Variants in SRSF10 observed in about 807,000 individuals in gnomAD.
SRSF10 encodes the protein serine and arginine rich splicing factor 10.
A neutral mutation model predicts 32.6 loss-of-function variants in SRSF10; 9 were observed. The ratio of observed to expected loss-of-function variants is 0.28; its 90% CI spans 0.17 to 0.48. SRSF10 has a LOEUF of 0.48. SRSF10 is among the 20% of genes least tolerant of loss of function. The pLI, the probability that SRSF10 is intolerant of heterozygous loss-of-function variation, is 0.99. For synonymous variants in SRSF10, 105 were observed against 112.4 expected (o/e 0.93, Z 0.42); for missense variants, 201 against 331.8 (o/e 0.61, Z 3.06).
intron 3 of SRSF10, among the ~76,000 whole-genome samples, chr1:23,974,009 T>C (rs1451956023): frequency 7.9e-6 from 1 of 125,882 alleles, no homozygotes; most frequent in East Asian, 2.5e-4. Flanking sequence ...TTTTTTTTTT[T>C]GAGGCACAGT....
intron 3 of SRSF10, among the ~76,000 whole-genome samples, chr1:23,973,408 C>T (rs1049876526): frequency 2.6e-5 from 4 of 152,198 alleles, no homozygotes; most frequent in African/African-American, 4.8e-5. Context: ...CAGCTCTCTG[C>T]AACTTCAACC....
rs1453730773 is a variant in SRSF10 at position 23,970,884 on chromosome 1, A to C, written c.*258T>G. Reference sequence around the variant, plus strand: ...CAACATCTTTTCACCAAATACTTCAAGCATAAAAAATGAGAATCTTTACAA... The same window carrying C: ...CAACATCTTTTCACCAAATACTTCACGCATAAAAAATGAGAATCTTTACAA... On this transcript the variant is annotated 3_prime_UTR_variant, in exon 6 of 6. Coordinates refer to ENST00000492112, the MANE Select transcript of SRSF10 (RefSeq NM_054016.4). 3.4e-5 allele frequency: 40 copies of C among 1,191,500 alleles called. No individual in the cohort carries two copies. The highest frequency in any genetic ancestry group is 4.2e-5 in the Non-Finnish European group (40 of 962,982). The allele number at this position is 1,191,500 out of a possible 1,614,324, so 73.8% of individuals were successfully genotyped here.
chr1:23,972,409 A>C (rs1262336760), intron 3 of SRSF10, among the ~76,000 whole-genome samples: 1 of 150,104 alleles, frequency 6.7e-6, no homozygotes, highest in Non-Finnish European at 1.5e-5. Context: ...CAAAAAAAAA[A>C]AGTGTGTATG....
chr1:23,976,002 T>C (rs1642062008), intron 2 of SRSF10: 1 of 152,214 alleles, frequency 6.6e-6, no homozygotes, highest in Non-Finnish European at 1.5e-5. Flanking sequence ...TGGCTTTATA[T>C]AGCTATTCTG....
rs1641441477 is a variant in SRSF10 at position 23,966,227 on chromosome 1, A to C, written c.*4915T>G. 2 of 151,856 alleles carry C rather than the reference A, an allele frequency of 1.3e-5. No homozygotes were observed. Among genetic ancestry groups the C allele is most frequent in the Non-Finnish European group, 2.9e-5 (2 of 67,806 alleles). 9.4% of individuals were successfully genotyped at this position (151,856 alleles called of 1,614,324 possible). On this transcript the variant is annotated 3_prime_UTR_variant, in exon 6 of 6. Coordinates refer to ENST00000492112, the MANE Select transcript of SRSF10 (RefSeq NM_054016.4). ...TTTCTAAAATAAAATACAAACAATA[A>C]TACCTCCATTTCACACCTCCCTTGA...
chr1:23,971,030 C>G lies in SRSF10; in HGVS notation c.*112G>C. 6.7e-7 allele frequency: 1 copy of G among 1,499,578 alleles called. No individual in the cohort carries two copies. Among genetic ancestry groups the G allele is most frequent in the South Asian group, 1.4e-5 (1 of 70,362 alleles). 92.9% of individuals were successfully genotyped at this position (1,499,578 alleles called of 1,614,324 possible). A position where few individuals can be genotyped will look rare whatever the true frequency, so the allele number is the denominator to read the frequency against. On this transcript the variant is annotated 3_prime_UTR_variant, in exon 6 of 6. Transcript: ENST00000492112. ...TAACCATTGCCTGGTACAGGGAAAA[C>G]TAACAAGTGTTTTTTAAGCATCATT... is the stretch of plus-strand genomic sequence containing the variant.
rs1276918029 is a variant in SRSF10, at chr1:23,970,298, G to C, written c.*844C>G. 13 of 984,710 alleles carry C rather than the reference G, an allele frequency of 1.3e-5. No homozygotes were observed. The highest frequency in any genetic ancestry group is 1.8e-5 in the African/African-American group (1 of 57,034). 61.0% of individuals were successfully genotyped at this position (984,710 alleles called of 1,614,324 possible). A position where few individuals can be genotyped will look rare whatever the true frequency, so the allele number is the denominator to read the frequency against. Reference sequence around the variant, plus strand: ...CCAGCTGGCATCATTCCCCAAGACAGTGGGGTTAACAAAAGAACTAATCCA... The same window carrying C: ...CCAGCTGGCATCATTCCCCAAGACACTGGGGTTAACAAAAGAACTAATCCA... On this transcript the variant is annotated 3_prime_UTR_variant, in exon 6 of 6. Transcript: ENST00000492112.
chr1:23,978,999 A>C, intron 1 of SRSF10, 182 bp from the exon 2 acceptor site: 1 of 311,726 alleles, frequency 3.2e-6, no homozygotes, highest in Non-Finnish European at 5.9e-6. Context: ...ACTTATTTTT[A>C]TCTACAGCCG....
Position 23,974,217 on chromosome 1 carries a change from G to A in SRSF10, c.274+757C>T, listed in dbSNP as rs995421942. Among the ~76,000 whole-genome samples, 23 of 151,974 alleles carry A rather than the reference G, an allele frequency of 1.5e-4. 1 individual carries two copies. The East Asian group carries it at 2.7e-3, about 18-fold the overall frequency. ...CATGACCTTGTGATCCACCCACCTC[G>A]GCCTCCCAAAGTGCTGGGATTACAG... On this transcript the variant is annotated intron_variant, in intron 3 of 5. Coordinates refer to ENST00000492112, the MANE Select transcript of SRSF10 (RefSeq NM_054016.4).
chr1:23,972,690 C>T (rs1267407307), intron 3 of SRSF10, among the ~76,000 whole-genome samples: 9 of 151,724 alleles, frequency 5.9e-5, no homozygotes, highest in African/African-American at 2.2e-4. Context: ...AATCCACCCG[C>T]CTCGGCCTCC....
Position 23,970,571 on chromosome 1 carries a change from G to A in SRSF10, c.*571C>T. ...AGACGGGGTTTCACCGTGTTGGTCA[G>A]GCTGGTCTCGAACTCCTGACCTCGT... On this transcript the variant is annotated 3_prime_UTR_variant, in exon 6 of 6. Transcript: ENST00000492112. 1 of 666,934 alleles carries A rather than the reference G, an allele frequency of 1.5e-6. No homozygotes were observed. The allele number at this position is 666,934 out of a possible 1,614,324, so 41.3% of individuals were successfully genotyped here. A position where few individuals can be genotyped will look rare whatever the true frequency, so the allele number is the denominator to read the frequency against.
intron 2 of SRSF10, chr1:23,977,846 T>C: frequency 3.1e-6 from 3 of 967,490 alleles, no homozygotes; most frequent in Non-Finnish European, 3.7e-6. Context: ...AGAATAATTT[T>C]GAAAATTAAC....
Position 23,977,842 on chromosome 1 carries a change from AT to A in SRSF10, c.170+870del, listed in dbSNP as rs1456317006. On this transcript the variant is annotated intron_variant, in intron 2 of 5. Transcript: ENST00000492112. ...TTTGTCACTAGACCAAACCAGAATA[AT>A]TTTGAAAATTAACTGCTTACAAAAC... 2.0e-5 allele frequency: 19 copies of A among 964,406 alleles called. No homozygotes were observed. In the Admixed American group the frequency reaches 1.2e-3, roughly 61 times the overall value. The allele number at this position is 964,406 out of a possible 1,614,324, so 59.7% of individuals were successfully genotyped here.
Position 23,971,077 on chromosome 1 carries a change from T to C in SRSF10, c.*65A>G. The C allele has an allele frequency of 3.3e-6, 5 of 1,524,598 alleles. No individual in the cohort carries two copies. Among genetic ancestry groups the C allele is most frequent in the Non-Finnish European group, 4.4e-6 (5 of 1,140,684 alleles). The allele number at this position is 1,524,598 out of a possible 1,614,324, so 94.4% of individuals were successfully genotyped here. A position where few individuals can be genotyped will look rare whatever the true frequency, so the allele number is the denominator to read the frequency against. On this transcript the variant is annotated 3_prime_UTR_variant, in exon 6 of 6. Transcript: ENST00000492112. ...CATTGCAACATTGTATTCCTGATAA[T>C]TTAAGTAAACCAAACTATGAGTAAA...
Position 23,967,960 on chromosome 1 carries a change from CAAAAAA to C in SRSF10, c.*3176_*3181del. Reference sequence around the variant, plus strand: ...ATTTTTCTTCTTGCTTACTTGGCTTCAAAAAAAAAAAAAAAATGCAGAGAGATCTTA... The same window carrying C: ...ATTTTTCTTCTTGCTTACTTGGCTTCAAAAAAAAAATGCAGAGAGATCTTA... On this transcript the variant is annotated 3_prime_UTR_variant, in exon 6 of 6. Coordinates refer to ENST00000492112, the MANE Select transcript of SRSF10 (RefSeq NM_054016.4). 1 of 1,446,952 alleles carries C rather than the reference CAAAAAA, an allele frequency of 6.9e-7. No individual in the cohort carries two copies. Among genetic ancestry groups the C allele is most frequent in the Non-Finnish European group, 9.2e-7 (1 of 1,088,432 alleles). The allele number at this position is 1,446,952 out of a possible 1,614,324, so 89.6% of individuals were successfully genotyped here.
chr1:23,979,784 T>C (rs1370384636), intron 1 of SRSF10, among the ~76,000 whole-genome samples: 1 of 131,316 alleles, frequency 7.6e-6, no homozygotes, highest in Admixed American at 8.3e-5. Context: ...CGTTATTTCA[T>C]CTCACTATTT....
In SRSF10 at chr1:23,966,856, A is replaced by G. The variant is rs1482189389; in HGVS notation, c.*4286T>C. The stretch of plus-strand genomic sequence containing the variant: ...CACAATTACTTATCCTTGATCGTAT[A>G]TTGTGTTCTATAATTACATTGATAC... On this transcript the variant is annotated 3_prime_UTR_variant, in exon 6 of 6. Transcript: ENST00000492112. 6.6e-6 allele frequency: 1 copy of G among 152,086 alleles called. No individual in the cohort carries two copies. Among genetic ancestry groups the G allele is most frequent in the Non-Finnish European group, 1.5e-5 (1 of 67,950 alleles). The allele number at this position is 152,086 out of a possible 1,614,324, so 9.4% of individuals were successfully genotyped here. A position where few individuals can be genotyped will look rare whatever the true frequency, so the allele number is the denominator to read the frequency against.
intron 3 of SRSF10, among the ~76,000 whole-genome samples, chr1:23,973,601 G>GT (rs1438952443): frequency 6.6e-6 from 1 of 152,118 alleles, no homozygotes; most frequent in Non-Finnish European, 1.5e-5. Flanking sequence ...GATTACAGGC[G>GT]TGAGCTACCA....
Position 23,965,633 on chromosome 1 carries a change from T to C in SRSF10, c.*5509A>G, listed in dbSNP as rs1414948061. ...CGGCACAGTAAGTGCTCAATAATATTGACAGCATTCAGTATAGAGAGAAAC... is the reference window on the plus strand; with the variant it reads ...CGGCACAGTAAGTGCTCAATAATATCGACAGCATTCAGTATAGAGAGAAAC... On this transcript the variant is annotated 3_prime_UTR_variant, in exon 6 of 6. Transcript: ENST00000492112. 1 of 151,932 alleles carries C rather than the reference T, an allele frequency of 6.6e-6. No homozygotes were observed. The highest frequency in any genetic ancestry group is 2.4e-5 in the African/African-American group (1 of 41,412). The allele number at this position is 151,932 out of a possible 1,614,324, so 9.4% of individuals were successfully genotyped here.
Sources: allele counts gnomAD v4.1 joint callset (sites outside exome capture counted in the v4.1 genomes callset), GRCh38; gene constraint gnomAD v4.1.1; transcripts MANE v1.5; gene names NCBI Gene and HGNC (gene_info 2026-07-23, HGNC 2026-07-21).